ZFAND3: variants seen among roughly 807,000 people sequenced by gnomAD.
ZFAND3 encodes the protein AN1-type zinc finger protein 3.
In ZFAND3, 10 loss-of-function variants were observed where a neutral mutation model predicts 29.6. The ratio of observed to expected loss-of-function variants is 0.34; its 90% CI spans 0.21 to 0.57. The LOEUF (loss-of-function observed/expected upper bound fraction) is 0.57, where lower values mean the gene tolerates loss of function less well. ZFAND3 is among the 20% of genes least tolerant of loss of function. The pLI is 0.86. For synonymous variants in ZFAND3, 128 were observed against 112.6 expected, an observed-to-expected ratio of 1.14 and a Z score of -0.87; for missense variants, 230 against 304.5, an observed-to-expected ratio of 0.76 and a Z score of 1.82.
chr6:37,924,652 A>G (rs1409880715), intron 1 of ZFAND3, among the ~76,000 whole-genome samples: 1 of 151,592 alleles, frequency 6.6e-6, no homozygotes, highest in Non-Finnish European at 1.5e-5. Context: ...CTGGGCAACA[A>G]AGTAAGACAC....
At chr6:37,919,015 G>T (rs574611031) in intron 1 of ZFAND3, among the ~76,000 whole-genome samples, 1 of 142,950 alleles carries the variant, frequency 7.0e-6, no homozygotes. Context: ...GTGCAGTGGC[G>T]CAATCTTGGC....
intron 4 of ZFAND3, among the ~76,000 whole-genome samples, chr6:38,086,379 C>A (rs1764757850): frequency 6.6e-6 from 1 of 152,090 alleles, no homozygotes; most frequent in Admixed American, 6.6e-5. Flanking sequence ...TTGTAGAGTT[C>A]TAGGATCTCC....
At chr6:37,940,572 G>C (rs1190909695) in intron 2 of ZFAND3, among the ~76,000 whole-genome samples, 1 of 152,054 alleles carries the variant, frequency 6.6e-6, no homozygotes, top group South Asian at 2.1e-4. Flanking sequence ...AAGAAAAGAG[G>C]TTTGATTGGC....
At chr6:38,100,627 T>C (rs900694895) in intron 4 of ZFAND3, among the ~76,000 whole-genome samples, 7 of 152,220 alleles carry the variant, frequency 4.6e-5, no homozygotes, top group African/African-American at 1.7e-4. Flanking sequence ...TGTCATGTAC[T>C]TTCCCATCAG....
intron 1 of ZFAND3, among the ~76,000 whole-genome samples, chr6:37,832,062 G>A (rs1433607147): frequency 3.3e-5 from 5 of 152,186 alleles, no homozygotes; most frequent in Non-Finnish European, 7.3e-5. Flanking sequence ...ATCTGGTGAA[G>A]TCGTGGACCC....
chr6:37,933,275 G>A (rs1761632515), intron 2 of ZFAND3, among the ~76,000 whole-genome samples: 1 of 152,180 alleles, frequency 6.6e-6, no homozygotes, highest in African/African-American at 2.4e-5. Flanking sequence ...TCTATGTGGT[G>A]AAAAAATTAG....
chr6:38,114,509 G>A (rs993123325), intron 4 of ZFAND3, among the ~76,000 whole-genome samples: 1 of 152,202 alleles, frequency 6.6e-6, no homozygotes, highest in Non-Finnish European at 1.5e-5. Flanking sequence ...TATTTAGTTG[G>A]TTTGTATTGG....
intron 1 of ZFAND3, among the ~76,000 whole-genome samples, chr6:37,908,596 C>A (rs1204794106): frequency 6.7e-6 from 1 of 148,628 alleles, no homozygotes; most frequent in African/African-American, 2.5e-5. Flanking sequence ...TTCCTGATAG[C>A]TTAACACATG....
chr6:37,891,159 A>C (rs1473103720), intron 1 of ZFAND3, among the ~76,000 whole-genome samples: 1 of 152,220 alleles, frequency 6.6e-6, no homozygotes, highest in Non-Finnish European at 1.5e-5. Context: ...ATGGAATCAT[A>C]CAATACGTGG....
At position 38,152,551 on chromosome 6, in the gene ZFAND3, A is replaced by T; in HGVS notation, c.*162A>T. 1 of 1,290,860 alleles carries T rather than the reference A, an allele frequency of 7.7e-7. No individual in the cohort carries two copies. Among genetic ancestry groups the T allele is most frequent in the Admixed American group, 3.6e-5 (1 of 27,706 alleles). The allele number at this position is 1,290,860 out of a possible 1,614,324, so 80.0% of individuals were successfully genotyped here. A position where few individuals can be genotyped will look rare whatever the true frequency, so the allele number is the denominator to read the frequency against. Reference sequence around the variant, plus strand: ...TCCTGGTACTGTAGTTTAGGGGTTGATGGTGGTTGAAATTGATTTCTGGCT... The same window carrying T: ...TCCTGGTACTGTAGTTTAGGGGTTGTTGGTGGTTGAAATTGATTTCTGGCT... On this transcript the variant is annotated 3_prime_UTR_variant, in exon 6 of 6. Transcript: ENST00000287218.
At chr6:37,834,272 A>G (rs1425832750) in intron 1 of ZFAND3, among the ~76,000 whole-genome samples, 4 of 152,094 alleles carry the variant, frequency 2.6e-5, no homozygotes, top group African/African-American at 9.7e-5. Context: ...GCCTTTTCAG[A>G]TTGACTTCTT....
At chr6:37,937,632 C>T (rs9369028) in intron 2 of ZFAND3, among the ~76,000 whole-genome samples, 2 of 117,064 alleles carry the variant, frequency 1.7e-5, no homozygotes, top group East Asian at 2.9e-4. Context: ...TCCAGCCTAG[C>T]GACAGAGCGA....
At position 38,111,847 on chromosome 6, in the gene ZFAND3, T is replaced by A. The variant is rs79281754; in HGVS notation, c.362-4725T>A. On this transcript the variant is annotated intron_variant, in intron 4 of 5. Transcript: ENST00000287218. ...GGGGTCAGCGCCCCAAACCCCATGT[T>A]GTTCAAGGGTCAGCTGTATACGGGA... Among the ~76,000 whole-genome samples, 2,515 of 152,286 alleles carry A rather than the reference T, an allele frequency of 0.017. 247 individuals carry two copies. The East Asian group carries it at 0.28, about 17-fold the overall frequency.
intron 2 of ZFAND3, among the ~76,000 whole-genome samples, chr6:38,045,295 G>A (rs113369003): frequency 6.6e-6 from 1 of 151,724 alleles, no homozygotes; most frequent in African/African-American, 2.4e-5. Flanking sequence ...TGCCATATTT[G>A]CCAGGCTGGT....
intron 2 of ZFAND3, among the ~76,000 whole-genome samples, chr6:38,008,004 C>T (rs1258100504): frequency 2.0e-5 from 3 of 152,190 alleles, no homozygotes; most frequent in Admixed American, 6.5e-5. Flanking sequence ...ATACAGGCCT[C>T]ACCCCAGACC....
intron 4 of ZFAND3, among the ~76,000 whole-genome samples, chr6:38,083,171 A>T (rs1361417636): frequency 6.6e-6 from 1 of 152,180 alleles, no homozygotes; most frequent in Non-Finnish European, 1.5e-5. Flanking sequence ...TTCATAACTT[A>T]AAAAATCCTT....
intron 1 of ZFAND3, among the ~76,000 whole-genome samples, chr6:37,839,517 G>GT (rs1243666424): frequency 9.8e-6 from 1 of 101,994 alleles, no homozygotes; most frequent in Non-Finnish European, 1.9e-5. Context: ...TGTTGTTGTT[G>GT]TTTTGTTTTT....
At chr6:37,974,398 C>CTTTTTT (rs1467229897) in intron 2 of ZFAND3, among the ~76,000 whole-genome samples, 44 of 89,644 alleles carry the variant, frequency 4.9e-4, no homozygotes, top group African/African-American at 1.9e-3. Context: ...CTCTCTCTCT[C>CTTTTTT]TCTCTTTTTT....
At chr6:37,875,466 A>C (rs1351666713) in intron 1 of ZFAND3, among the ~76,000 whole-genome samples, 2 of 152,146 alleles carry the variant, frequency 1.3e-5, no homozygotes, top group African/African-American at 2.4e-5. Context: ...TCTTAAAAGT[A>C]AATGATTTTT....
Sources: gnomAD v4.1 joint callset for allele counts (sites outside exome capture counted in the v4.1 genomes callset) on GRCh38, gnomAD v4.1.1 for gene constraint, MANE v1.5 for transcripts, NCBI Gene and HGNC (gene_info 2026-07-23, HGNC 2026-07-21) for gene names.